Variants in LRBA observed in about 807,000 individuals in gnomAD.
The protein encoded by LRBA is lipopolysaccharide-responsive and beige-like anchor protein.
In LRBA, 176 loss-of-function variants were observed where a neutral mutation model predicts 330.0. The observed-to-expected ratio is 0.53, with a 90% confidence interval of 0.47 to 0.60. LRBA has a LOEUF of 0.60. LRBA is among the 20% of genes least tolerant of loss of function. The pLI is 0.00. For missense variants in LRBA, 3,259 were observed against 3,444.8 expected (o/e 0.95, Z 1.35); for synonymous variants, 1,230 against 1,193.0 (o/e 1.03, Z -0.64).
intron 37 of LRBA, among the ~76,000 whole-genome samples, chr4:150,638,067 T>C (rs1778101700): frequency 6.6e-6 from 1 of 152,010 alleles, no homozygotes; most frequent in Non-Finnish European, 1.5e-5. Context: ...TACTGCATAA[T>C]ATTCTATTTG....
At chr4:150,540,757 C>T (rs1765233237) in intron 40 of LRBA, among the ~76,000 whole-genome samples, 1 of 151,996 alleles carries the variant, frequency 6.6e-6, no homozygotes, top group Non-Finnish European at 1.5e-5. Flanking sequence ...GAAATACAGC[C>T]ACAGAAGCTA....
chr4:150,435,801 A>T, intron 45 of LRBA, 93 bp from the exon 46 acceptor site: 13 of 849,714 alleles, frequency 1.5e-5, no homozygotes, highest in Non-Finnish European at 2.2e-5. Flanking sequence ...TTAATGACTA[A>T]TAGGCATTCA....
At chr4:150,949,911 AC>A (rs1736648229) in intron 2 of LRBA, among the ~76,000 whole-genome samples, 1 of 152,136 alleles carries the variant, frequency 6.6e-6, no homozygotes, top group Non-Finnish European at 1.5e-5. Context: ...CATATACTAT[AC>A]AAAAAAGATG....
At chr4:151,008,749 C>T (rs1032965981) in intron 2 of LRBA, among the ~76,000 whole-genome samples, 3 of 150,972 alleles carry the variant, frequency 2.0e-5, no homozygotes, top group Middle Eastern at 3.5e-3. Context: ...CTGAGGCAGG[C>T]GGATCACGAG....
At chr4:150,901,060 G>A (rs886947941) in intron 13 of LRBA, among the ~76,000 whole-genome samples, 2 of 152,122 alleles carry the variant, frequency 1.3e-5, no homozygotes, top group African/African-American at 4.8e-5. Context: ...CATGTTAGGA[G>A]GCTGAGGCGG....
intron 44 of LRBA, among the ~76,000 whole-genome samples, chr4:150,455,140 A>G (rs1200079586): frequency 7.0e-5 from 3 of 42,928 alleles, no homozygotes; most frequent in Non-Finnish European, 1.3e-4. Context: ...CCACCCCACC[A>G]CAGTCCCCAG....
At chr4:150,714,586 G>A (rs978354122) in intron 36 of LRBA, among the ~76,000 whole-genome samples, 2 of 152,012 alleles carry the variant, frequency 1.3e-5, no homozygotes, top group Non-Finnish European at 2.9e-5. Context: ...GTACAACATG[G>A]TGACTCTAGT....
intron 37 of LRBA, among the ~76,000 whole-genome samples, chr4:150,623,227 C>T (rs1776489811): frequency 6.6e-6 from 1 of 152,152 alleles, no homozygotes; most frequent in Non-Finnish European, 1.5e-5. Context: ...GGCATTCTGA[C>T]AGTATTTAAC....
chr4:150,908,385 G>A lies in LRBA; in HGVS notation c.1442C>T (p.Ala481Val). ...CAAATATTGCCTGTAATCCAACTGT[G>A]CAAAAAGTGGAAATAGTACTTGTAC... Reference protein sequence around the residue: ...GGVQVLFPLFAQLDYRQYLSD... With the variant: ...GGVQVLFPLFVQLDYRQYLSD... The change falls in exon 11 of 57, where the codon GCA (alanine) becomes GTA (valine). Residue 481 changes from alanine (A) to valine (V), a missense_variant. By Grantham distance (64) the Ala-to-Val change is moderately conservative. Coordinates refer to ENST00000651943, the MANE Select transcript of LRBA (RefSeq NM_001364905.1). 5 of 1,609,896 alleles carry A rather than the reference G, an allele frequency of 3.1e-6. No individual in the cohort carries two copies. Among genetic ancestry groups the A allele is most frequent in the Non-Finnish European group, 4.2e-6 (5 of 1,178,938 alleles).
intron 13 of LRBA, among the ~76,000 whole-genome samples, chr4:150,903,689 G>C (rs867911231): frequency 8.5e-5 from 13 of 152,188 alleles, no homozygotes; most frequent in Admixed American, 7.9e-4. Flanking sequence ...ACAGTGAGCT[G>C]AGATCCCACC....
intron 2 of LRBA, among the ~76,000 whole-genome samples, chr4:150,972,105 C>T (rs1472835745): frequency 1.3e-5 from 2 of 152,084 alleles, no homozygotes; most frequent in African/African-American, 4.8e-5. Context: ...ATCTCATGGG[C>T]ATTTGAAGTA....
At chr4:150,516,989 T>C (rs996696170) in intron 40 of LRBA, among the ~76,000 whole-genome samples, 3 of 152,120 alleles carry the variant, frequency 2.0e-5, no homozygotes, top group Non-Finnish European at 2.9e-5. Flanking sequence ...GGGAAAATGG[T>C]GGTATATTTA....
intron 31 of LRBA, among the ~76,000 whole-genome samples, chr4:150,809,879 C>T (rs183772295): frequency 1.1e-4 from 16 of 139,998 alleles, no homozygotes; most frequent in South Asian, 2.4e-4. Context: ...CGATACGATA[C>T]GATACGATAC....
At chr4:150,319,903 A>G (rs1181625749) in intron 50 of LRBA, among the ~76,000 whole-genome samples, 1 of 152,206 alleles carries the variant, frequency 6.6e-6, no homozygotes, top group Non-Finnish European at 1.5e-5. Context: ...TTTTGCAACC[A>G]TTTCAGGTAT....
Position 150,415,329 on chromosome 4 carries a change from C to T in LRBA, c.7194+109G>A, listed in dbSNP as rs114451737. 4.7e-3 allele frequency: 3,910 copies of T among 838,548 alleles called. 26 individuals are homozygous for T. The highest frequency in any genetic ancestry group is 0.018 in the South Asian group (873 of 48,354). The allele number at this position is 838,548 out of a possible 1,614,324, so 51.9% of individuals were successfully genotyped here. A position where few individuals can be genotyped will look rare whatever the true frequency, so the allele number is the denominator to read the frequency against. ...TTATGTCACTTTCAGTTAGTCCTATCACCTACAGCTTTGTCCAGAAGAGCA... is the reference window on the plus strand; with the variant it reads ...TTATGTCACTTTCAGTTAGTCCTATTACCTACAGCTTTGTCCAGAAGAGCA... On this transcript the variant is annotated intron_variant, in intron 47 of 56. Coordinates refer to ENST00000651943, the MANE Select transcript of LRBA (RefSeq NM_001364905.1).
chr4:150,729,796 C>T (rs1423007332), intron 36 of LRBA, among the ~76,000 whole-genome samples: 1 of 151,986 alleles, frequency 6.6e-6, no homozygotes, highest in Non-Finnish European at 1.5e-5. Flanking sequence ...TAAAAACAGA[C>T]ACATAAACCA....
At chr4:150,375,705 C>T (rs1741213257) in intron 47 of LRBA, among the ~76,000 whole-genome samples, 1 of 151,792 alleles carries the variant, frequency 6.6e-6, no homozygotes, top group African/African-American at 2.4e-5. Flanking sequence ...CCGCTTTGGC[C>T]TCACAAAGTG....
At chr4:150,334,109 T>A (rs1734330662) in intron 48 of LRBA, among the ~76,000 whole-genome samples, 1 of 152,176 alleles carries the variant, frequency 6.6e-6, no homozygotes, top group South Asian at 2.1e-4. Context: ...TAAAAAGTAG[T>A]ATAATGAACC....
intron 51 of LRBA, among the ~76,000 whole-genome samples, chr4:150,311,593 G>GCA (rs1349439406): frequency 6.6e-6 from 1 of 152,134 alleles, no homozygotes; most frequent in African/African-American, 2.4e-5. Context: ...ACACAACACG[G>GCA]CACACACGTA....
Sources: allele counts gnomAD v4.1 joint callset (sites outside exome capture counted in the v4.1 genomes callset), GRCh38; gene constraint gnomAD v4.1.1; transcripts MANE v1.5; gene names NCBI Gene and HGNC (gene_info 2026-07-23, HGNC 2026-07-21).